Variants in NFIB observed in about 807,000 individuals in gnomAD.
NFIB encodes nuclear factor I B.
Under a neutral mutation model 61.5 loss-of-function variants are expected in NFIB, and 11 were observed. The ratio of observed to expected loss-of-function variants is 0.18; its 90% CI spans 0.11 to 0.30. NFIB has a LOEUF of 0.30. Ranked by LOEUF, NFIB falls within the 10% of genes least tolerant of loss-of-function variation. The pLI, the probability that NFIB is intolerant of heterozygous loss-of-function variation, is 1.00. For synonymous variants in NFIB, 260 were observed against 216.5 expected (o/e 1.20, Z -1.76); for missense variants, 471 against 608.9 (o/e 0.77, Z 2.38).
chr9:14,489,324 T>G, the NFIB span, among the ~76,000 whole-genome samples: 4 of 152,310 alleles, frequency 2.6e-5, no homozygotes, highest in South Asian at 8.3e-4. Flanking sequence ...AAAAGAGACA[T>G]GTAGTTCATG....
chr9:14,337,519 T>C (rs1278685177), intron 1 of NFIB, among the ~76,000 whole-genome samples: 3 of 152,226 alleles, frequency 2.0e-5, no homozygotes, highest in Non-Finnish European at 2.9e-5. Flanking sequence ...GGGGTCATTA[T>C]TGCATTGGTG....
chr9:14,458,107 A>G, the NFIB span, among the ~76,000 whole-genome samples: 4 of 152,254 alleles, frequency 2.6e-5, no homozygotes, highest in African/African-American at 7.2e-5. Context: ...ACATCGATGC[A>G]AAAATCCTCA....
intron 2 of NFIB, among the ~76,000 whole-genome samples, chr9:14,254,537 C>T (rs1259762903): frequency 7.2e-5 from 11 of 152,098 alleles, no homozygotes; most frequent in Non-Finnish European, 1.5e-4. Context: ...ACTCAATAAT[C>T]GTTTGCTGAT....
At chr9:14,305,896 C>A in intron 2 of NFIB, 2 of 962,336 alleles carry the variant, frequency 2.1e-6, no homozygotes, top group South Asian at 3.2e-5. Flanking sequence ...CCATCTGTGA[C>A]AGCTCAAACT....
At chr9:14,204,443 C>T (rs2049402422) in intron 2 of NFIB, 1 of 1,095,468 alleles carries the variant, frequency 9.1e-7, no homozygotes. Context: ...GTTGCAGCGG[C>T]AGAGAGTCAT....
chr9:14,408,981 C>G, the NFIB span, among the ~76,000 whole-genome samples: 1 of 152,086 alleles, frequency 6.6e-6, no homozygotes, highest in Admixed American at 6.6e-5. Flanking sequence ...GGTTTAAACC[C>G]AGCCAGTCTG....
At chr9:14,203,070 A>G (rs1390706466) in intron 2 of NFIB, among the ~76,000 whole-genome samples, 2 of 152,228 alleles carry the variant, frequency 1.3e-5, no homozygotes, top group Non-Finnish European at 1.5e-5. Context: ...ATGATCATCA[A>G]CACGAGTGTC....
chr9:14,211,184 C>T (rs944512694), intron 2 of NFIB, among the ~76,000 whole-genome samples: 1 of 152,162 alleles, frequency 6.6e-6, no homozygotes, highest in Non-Finnish European at 1.5e-5. Flanking sequence ...TAATCCTCTA[C>T]AATATTGTAT....
At chr9:14,177,918 A>G (rs1055657021) in intron 3 of NFIB, among the ~76,000 whole-genome samples, 2 of 152,184 alleles carry the variant, frequency 1.3e-5, no homozygotes, top group African/African-American at 4.8e-5. Context: ...ATGATGTTAC[A>G]TAACTATTCA....
intron 1 of NFIB, among the ~76,000 whole-genome samples, chr9:14,343,825 G>A (rs552197028): frequency 1.5e-5 from 2 of 130,696 alleles, no homozygotes; most frequent in Admixed American, 1.4e-4. Flanking sequence ...TTGGGGACAA[G>A]GGGGGGTCGG....
chr9:14,332,247 C>A (rs1483150264), intron 1 of NFIB, among the ~76,000 whole-genome samples: 1 of 149,258 alleles, frequency 6.7e-6, no homozygotes, highest in Non-Finnish European at 1.5e-5. Context: ...GCAGGAGAAT[C>A]GCTTGAACCT....
chr9:14,485,434 G>C, the NFIB span, among the ~76,000 whole-genome samples: 2 of 152,202 alleles, frequency 1.3e-5, no homozygotes, highest in Admixed American at 1.3e-4. Flanking sequence ...ATATAAGAAG[G>C]TGTATCAGTC....
intron 10 of NFIB, among the ~76,000 whole-genome samples, chr9:14,111,810 G>A (rs2037420061): frequency 1.3e-5 from 2 of 151,980 alleles, no homozygotes; most frequent in African/African-American, 4.8e-5. Flanking sequence ...GTTTTGTTTT[G>A]CTTTTTTTAA....
At chr9:14,275,697 TA>T (rs2057951734) in intron 2 of NFIB, among the ~76,000 whole-genome samples, 1 of 152,150 alleles carries the variant, frequency 6.6e-6, no homozygotes, top group African/African-American at 2.4e-5. Context: ...GAAACTGATG[TA>T]AAACTAAGTC....
At chr9:14,322,584 G>GCCCCA (rs1177638851) in intron 1 of NFIB, among the ~76,000 whole-genome samples, 4 of 148,838 alleles carry the variant, frequency 2.7e-5, no homozygotes, top group African/African-American at 7.5e-5. Context: ...GGCCCGCCCC[G>GCCCCA]CCCCACCCTA....
intron 1 of NFIB, among the ~76,000 whole-genome samples, chr9:14,377,328 G>A (rs1031479494): frequency 2.4e-4 from 36 of 152,098 alleles, no homozygotes; most frequent in Non-Finnish European, 3.7e-4. Context: ...TAATCCTTAC[G>A]CCTCAGCCTT....
At chr9:14,312,205 C>T (rs945610840) in intron 1 of NFIB, among the ~76,000 whole-genome samples, 41 of 152,222 alleles carry the variant, frequency 2.7e-4, no homozygotes, top group African/African-American at 7.2e-4. Flanking sequence ...TCATTGTTTT[C>T]ATCTTCATTC....
At chr9:14,519,933 A>G in the NFIB span, among the ~76,000 whole-genome samples, 1 of 151,844 alleles carries the variant, frequency 6.6e-6, no homozygotes, top group East Asian at 1.9e-4. Flanking sequence ...TCCAAAAAGT[A>G]TTTTTACATC....
At chr9:14,164,362 T>C (rs1250899090) in intron 3 of NFIB, among the ~76,000 whole-genome samples, 1 of 152,096 alleles carries the variant, frequency 6.6e-6, no homozygotes, top group Non-Finnish European at 1.5e-5. Context: ...ACACCTAGGC[T>C]ATATGCATGA....
Sources: allele counts gnomAD v4.1 joint callset (sites outside exome capture counted in the v4.1 genomes callset), GRCh38; gene constraint gnomAD v4.1.1; transcripts MANE v1.5; gene names NCBI Gene and HGNC (gene_info 2026-07-23, HGNC 2026-07-21).